The following CSGALNACT1 variants were observed in gnomAD, a reference collection of about 807,000 sequenced individuals.
CSGALNACT1 encodes the protein beta4GalNAcT-1.
A neutral mutation model predicts 51.0 loss-of-function variants in CSGALNACT1; 52 were observed. The observed-to-expected ratio is 1.02, with a 90% confidence interval of 0.82 to 1.29. The LOEUF is 1.29. CSGALNACT1 is among the 50% of genes most tolerant of loss of function. The pLI, the probability that CSGALNACT1 is intolerant of heterozygous loss-of-function variation, is 0.00. For missense variants in CSGALNACT1, 935 were observed against 679.2 expected, an observed-to-expected ratio of 1.38 and a Z score of -4.19; for synonymous variants, 341 against 254.4, an observed-to-expected ratio of 1.34 and a Z score of -3.24.
chr8:19,712,662 A>T (rs1391821121), intron 1 of CSGALNACT1, among the ~76,000 whole-genome samples: 1 of 152,316 alleles, frequency 6.6e-6, no homozygotes, highest in East Asian at 1.9e-4. Flanking sequence ...AGAAATGCCA[A>T]CCACTGCGTT....
chr8:19,608,858 T>C (rs575936702), intron 1 of CSGALNACT1, among the ~76,000 whole-genome samples: 2 of 152,336 alleles, frequency 1.3e-5, no homozygotes, highest in Admixed American at 6.5e-5. Flanking sequence ...GTAATTTTTA[T>C]CTTCTTCCTT....
chr8:19,588,289 G>T (rs572625446), intron 3 of CSGALNACT1, among the ~76,000 whole-genome samples: 1 of 152,118 alleles, frequency 6.6e-6, no homozygotes, highest in South Asian at 2.1e-4. Flanking sequence ...AAATGCCATA[G>T]GCAGGGTATT....
chr8:19,428,093 A>C (rs1219103156), intron 6 of CSGALNACT1, among the ~76,000 whole-genome samples: 1 of 152,076 alleles, frequency 6.6e-6, no homozygotes, highest in Non-Finnish European at 1.5e-5. Flanking sequence ...AGCTCATTGC[A>C]TGTGCCATTT....
intron 4 of CSGALNACT1, among the ~76,000 whole-genome samples, chr8:19,479,423 T>C (rs1467948668): frequency 6.6e-6 from 1 of 152,246 alleles, no homozygotes; most frequent in East Asian, 1.9e-4. Flanking sequence ...CAGGCTGGCC[T>C]TTGGTTTTAT....
chr8:19,630,475 C>G (rs1357354582), intron 1 of CSGALNACT1, among the ~76,000 whole-genome samples: 1 of 151,950 alleles, frequency 6.6e-6, no homozygotes, highest in African/African-American at 2.4e-5. Flanking sequence ...AACTGATGAA[C>G]CAATATGGAC....
At chr8:19,633,158 G>A (rs1040775434) in intron 1 of CSGALNACT1, among the ~76,000 whole-genome samples, 2 of 151,986 alleles carry the variant, frequency 1.3e-5, no homozygotes, top group Non-Finnish European at 2.9e-5. Flanking sequence ...GGGACCTCTG[G>A]CACAGGAGGT....
At chr8:19,647,852 A>G (rs898239378) in intron 1 of CSGALNACT1, among the ~76,000 whole-genome samples, 5 of 152,236 alleles carry the variant, frequency 3.3e-5, no homozygotes, top group African/African-American at 1.2e-4. Flanking sequence ...CAAAAGCTAT[A>G]TGGGCAGTTT....
chr8:19,666,163 G>C (rs1420781524), intron 1 of CSGALNACT1, among the ~76,000 whole-genome samples: 1 of 152,154 alleles, frequency 6.6e-6, no homozygotes, highest in Non-Finnish European at 1.5e-5. Context: ...ACGGAAGCTG[G>C]ATTTGAATGC....
intron 1 of CSGALNACT1, among the ~76,000 whole-genome samples, chr8:19,614,341 C>A (rs1318393814): frequency 6.6e-6 from 1 of 152,168 alleles, no homozygotes; most frequent in Non-Finnish European, 1.5e-5. Context: ...AACTCATTGT[C>A]TACTTTTTGT....
intron 8 of CSGALNACT1, among the ~76,000 whole-genome samples, chr8:19,413,808 G>A (rs999739733): frequency 1.3e-5 from 2 of 152,212 alleles, no homozygotes; most frequent in Admixed American, 1.3e-4. Flanking sequence ...GAAATGATAA[G>A]GAGGTGGCCT....
At chr8:19,746,048 T>C (rs1474796546) in intron 1 of CSGALNACT1, among the ~76,000 whole-genome samples, 8 of 152,192 alleles carry the variant, frequency 5.3e-5, no homozygotes, top group African/African-American at 1.9e-4. Flanking sequence ...ACCTGAGGGT[T>C]GGTTTTCTGA....
At chr8:19,604,585 C>G (rs1474462075), upstream of CSGALNACT1, among the ~76,000 whole-genome samples, 1 of 152,064 alleles carries the variant, frequency 6.6e-6, no homozygotes. Context: ...ACCTACAGGA[C>G]TTAGCCTTCA....
chr8:19,746,695 C>T (rs573998312), intron 1 of CSGALNACT1, among the ~76,000 whole-genome samples: 4 of 152,220 alleles, frequency 2.6e-5, no homozygotes, highest in African/African-American at 7.2e-5. Context: ...CCAACTCCAA[C>T]ATGTTATTGA....
intron 3 of CSGALNACT1, among the ~76,000 whole-genome samples, chr8:19,568,932 T>G (rs1588467371): frequency 6.6e-6 from 1 of 152,238 alleles, no homozygotes; most frequent in Non-Finnish European, 1.5e-5. Flanking sequence ...GGCTAATTCC[T>G]TGTAGCTAAG....
At chr8:19,666,631 G>A (rs565208390) in intron 1 of CSGALNACT1, among the ~76,000 whole-genome samples, 1 of 151,464 alleles carries the variant, frequency 6.6e-6, no homozygotes, top group African/African-American at 2.4e-5. Context: ...CCAGGAGGCA[G>A]AGGTTACAGT....
At chr8:19,639,492 T>C (rs190985344) in intron 1 of CSGALNACT1, among the ~76,000 whole-genome samples, 13 of 152,324 alleles carry the variant, frequency 8.5e-5, no homozygotes, top group African/African-American at 2.6e-4. Context: ...TGTGAAACAA[T>C]GTGGAAACAG....
At chr8:19,723,802 C>T (rs924048419) in intron 1 of CSGALNACT1, among the ~76,000 whole-genome samples, 4 of 152,196 alleles carry the variant, frequency 2.6e-5, no homozygotes, top group Non-Finnish European at 4.4e-5. Flanking sequence ...GGCTATATTA[C>T]AATCTGTAGA....
intron 5 of CSGALNACT1, among the ~76,000 whole-genome samples, chr8:19,448,871 T>A (rs1263366612): frequency 6.6e-6 from 1 of 152,214 alleles, no homozygotes; most frequent in Non-Finnish European, 1.5e-5. Context: ...CTATCTGTAG[T>A]CTTCTGTGGT....
intron 4 of CSGALNACT1, among the ~76,000 whole-genome samples, chr8:19,489,523 A>G (rs1259388949): frequency 6.6e-5 from 10 of 152,120 alleles, no homozygotes; most frequent in Admixed American, 2.0e-4. Context: ...GATTTCATTT[A>G]TTCATTCAAC....
Sources: allele counts gnomAD v4.1 joint callset (sites outside exome capture counted in the v4.1 genomes callset), GRCh38; gene constraint gnomAD v4.1.1; transcripts MANE v1.5; gene names NCBI Gene and HGNC (gene_info 2026-07-23, HGNC 2026-07-21).